The following PPARGC1A variants were observed in gnomAD, a reference collection of about 807,000 sequenced individuals.
PPARGC1A encodes PPARG coactivator 1 alpha.
Under a neutral mutation model 88.7 loss-of-function variants are expected in PPARGC1A, and 25 were observed. That is an observed-to-expected ratio of 0.28 (90% CI 0.21 to 0.39). PPARGC1A has a LOEUF of 0.39. Ranked by LOEUF, PPARGC1A falls within the 10% of genes least tolerant of loss-of-function variation. PPARGC1A has a pLI of 1.00. For missense variants in PPARGC1A, 880 were observed against 968.7 expected (o/e 0.91, Z 1.22); for synonymous variants, 363 against 355.6 (o/e 1.02, Z -0.24).
chr4:24,135,022 A>T, the PPARGC1A span, among the ~76,000 whole-genome samples: 2 of 152,198 alleles, frequency 1.3e-5, no homozygotes, highest in African/African-American at 4.8e-5. Context: ...GCTCGGAAGT[A>T]CTGCTCCTGT....
At chr4:24,093,757 G>A in the PPARGC1A span, among the ~76,000 whole-genome samples, 13 of 152,184 alleles carry the variant, frequency 8.5e-5, no homozygotes, top group Non-Finnish European at 1.9e-4. Flanking sequence ...CGAGTGGTTC[G>A]AAGCATAGTC....
the PPARGC1A span, among the ~76,000 whole-genome samples, chr4:23,922,901 G>A: frequency 6.6e-6 from 1 of 152,142 alleles, no homozygotes; most frequent in Admixed American, 6.5e-5. Context: ...CATTTCAACT[G>A]GGGGCCACTG....
intron 2 of PPARGC1A, among the ~76,000 whole-genome samples, chr4:23,865,681 A>G (rs979705724): frequency 6.6e-6 from 1 of 152,218 alleles, no homozygotes; most frequent in Non-Finnish European, 1.5e-5. Flanking sequence ...CGCACCTGGC[A>G]TAACACCTTG....
chr4:24,176,005 G>C, the PPARGC1A span, among the ~76,000 whole-genome samples: 1 of 151,946 alleles, frequency 6.6e-6, no homozygotes, highest in African/African-American at 2.4e-5. Context: ...GAAAGACAAC[G>C]AATAACAAGG....
chr4:24,041,295 T>C, the PPARGC1A span, among the ~76,000 whole-genome samples: 119 of 152,312 alleles, frequency 7.8e-4, no homozygotes, highest in African/African-American at 2.7e-3. Context: ...AACTCCTCCC[T>C]GCTGGGCACA....
the PPARGC1A span, among the ~76,000 whole-genome samples, chr4:23,951,873 T>C: frequency 1.3e-5 from 2 of 152,284 alleles, no homozygotes; most frequent in African/African-American, 4.8e-5. Flanking sequence ...ATCAGTGATA[T>C]GTGTAAATAT....
chr4:23,838,091 C>G (rs1312020286), intron 2 of PPARGC1A, among the ~76,000 whole-genome samples: 1 of 152,182 alleles, frequency 6.6e-6, no homozygotes, highest in Non-Finnish European at 1.5e-5. Context: ...TTAACCCATT[C>G]TAATCAGAAC....
chr4:24,409,455 T>G, the PPARGC1A span, among the ~76,000 whole-genome samples: 1 of 152,228 alleles, frequency 6.6e-6, no homozygotes, highest in Non-Finnish European at 1.5e-5. Context: ...CCTGATGAAG[T>G]TGCCCAATTC....
the PPARGC1A span, among the ~76,000 whole-genome samples, chr4:24,177,840 T>C: frequency 6.6e-6 from 1 of 152,082 alleles, no homozygotes; most frequent in African/African-American, 2.4e-5. Flanking sequence ...GTGGTCATTT[T>C]AATTGCATAT....
the PPARGC1A span, among the ~76,000 whole-genome samples, chr4:24,058,975 C>T: frequency 2.0e-5 from 3 of 152,022 alleles, no homozygotes; most frequent in African/African-American, 7.2e-5. Context: ...TATAGCTAAC[C>T]AGAGAAAAGA....
chr4:24,412,396 G>GA, the PPARGC1A span, among the ~76,000 whole-genome samples: 29 of 151,272 alleles, frequency 1.9e-4, no homozygotes, highest in African/African-American at 7.0e-4. Context: ...TGGTTAGGGG[G>GA]AAAAAAAACA....
the PPARGC1A span, among the ~76,000 whole-genome samples, chr4:24,191,068 C>T: frequency 8.5e-5 from 13 of 152,106 alleles, no homozygotes; most frequent in East Asian, 7.7e-4. Flanking sequence ...TTGTGCAGAC[C>T]GTGGACAAAA....
chr4:23,936,599 T>A, the PPARGC1A span, among the ~76,000 whole-genome samples: 3 of 152,070 alleles, frequency 2.0e-5, no homozygotes, highest in Non-Finnish European at 4.4e-5. Context: ...CAGCCAGGCA[T>A]GGTGGCAGGC....
chr4:23,884,043 C>CA (rs1489718128), intron 2 of PPARGC1A: 3 of 152,078 alleles, frequency 2.0e-5, no homozygotes, highest in Admixed American at 6.6e-5. Context: ...TAATGTATTT[C>CA]AAGTAAATGA....
the PPARGC1A span, among the ~76,000 whole-genome samples, chr4:24,302,094 G>C: frequency 1.3e-5 from 2 of 152,026 alleles, no homozygotes; most frequent in African/African-American, 4.8e-5. Flanking sequence ...TCACTCCCTT[G>C]CCACTCTAGA....
the PPARGC1A span, among the ~76,000 whole-genome samples, chr4:24,437,894 C>G: frequency 6.6e-6 from 1 of 152,004 alleles, no homozygotes; most frequent in Non-Finnish European, 1.5e-5. Flanking sequence ...CCAGGCTGGT[C>G]TCGAACTCCT....
At chr4:23,983,363 CTTA>C in the PPARGC1A span, among the ~76,000 whole-genome samples, 1 of 152,088 alleles carries the variant, frequency 6.6e-6, no homozygotes, top group East Asian at 1.9e-4. Context: ...AAGCAAGTAT[CTTA>C]TTATAACGTG....
the PPARGC1A span, among the ~76,000 whole-genome samples, chr4:24,469,971 A>G: frequency 2.6e-5 from 4 of 152,114 alleles, no homozygotes; most frequent in Non-Finnish European, 2.9e-5. Flanking sequence ...CTATCTCGTT[A>G]AAGATGCTGC....
At chr4:23,983,991 T>G in the PPARGC1A span, among the ~76,000 whole-genome samples, 5 of 152,122 alleles carry the variant, frequency 3.3e-5, no homozygotes, top group African/African-American at 1.2e-4. Flanking sequence ...AATAACATCT[T>G]ATCACCCATT....
Sources: gnomAD v4.1 joint callset for allele counts (sites outside exome capture counted in the v4.1 genomes callset) on GRCh38, gnomAD v4.1.1 for gene constraint, MANE v1.5 for transcripts, NCBI Gene and HGNC (gene_info 2026-07-23, HGNC 2026-07-21) for gene names.